Variants in SLK observed in about 807,000 individuals in gnomAD.
SLK encodes the protein STE20-like serine/threonine-protein kinase.
Under a neutral mutation model 147.7 loss-of-function variants are expected in SLK, and 67 were observed. The ratio of observed to expected loss-of-function variants is 0.45; its 90% CI spans 0.37 to 0.56. SLK has a LOEUF of 0.56. SLK is among the 20% of genes least tolerant of loss of function. The pLI is 0.00. For missense variants in SLK, 1,136 were observed against 1,438.8 expected (o/e 0.79, Z 3.41); for synonymous variants, 441 against 475.0 (o/e 0.93, Z 0.93).
chr10:103,988,791 G>GT (rs555179873), intron 1 of SLK, among the ~76,000 whole-genome samples: 265 of 146,246 alleles, frequency 1.8e-3, no homozygotes, highest in African/African-American at 3.5e-3. Context: ...TTTATATGTG[G>GT]TTTTTTTTTT....
rs776804962 is a variant in SLK, at chr10:104,018,911, T to C, written c.3132+3T>C. 118 of 1,559,544 alleles carry C rather than the reference T, an allele frequency of 7.6e-5. No individual in the cohort carries two copies. In the Admixed American group the frequency reaches 2.6e-3, roughly 34 times the overall value. ...AGCTACTTAAGCGCCACGAGAAGGTTAATGAAAGGAAAATTTCTTCATTTT... is the reference window on the plus strand; with the variant it reads ...AGCTACTTAAGCGCCACGAGAAGGTCAATGAAAGGAAAATTTCTTCATTTT... On this transcript the variant is annotated splice_donor_region_variant and intron_variant, in intron 15 of 18. Transcript: ENST00000369755.
At position 103,967,160 on chromosome 10, in the gene SLK, C is replaced by T. The variant is rs1434121645; in HGVS notation, c.-586C>T. ...GCTACGGAGTCGGCGTCGGCGCGCG[C>T]TCCAGGCCGAGGCTGTGTGGGCTGG... On this transcript the variant is annotated 5_prime_UTR_variant, in exon 1 of 19. Coordinates refer to ENST00000369755, the MANE Select transcript of SLK (RefSeq NM_014720.4). The T allele has an allele frequency of 6.6e-6, 1 of 151,224 alleles. No homozygotes were observed. The highest frequency in any genetic ancestry group is 1.5e-5 in the Non-Finnish European group (1 of 67,800). 9.4% of individuals were successfully genotyped at this position (151,224 alleles called of 1,614,324 possible).
chr10:103,973,352 G>A (rs1377244544), intron 1 of SLK, among the ~76,000 whole-genome samples: 2 of 152,066 alleles, frequency 1.3e-5, no homozygotes, highest in Non-Finnish European at 2.9e-5. Flanking sequence ...TGCATTCTCC[G>A]TTCTCTTCAT....
At chr10:104,009,085 C>CT (rs34101695) in intron 12 of SLK, among the ~76,000 whole-genome samples, 32,474 of 151,908 alleles carry the variant, frequency 0.21, 3,849 homozygotes, top group African/African-American at 0.32. Context: ...GGAAGATTTA[C>CT]TTATTATATT....
chr10:104,019,962 A>G (rs563038159), intron 16 of SLK, 40 bp downstream of exon 16: 1 of 1,485,192 alleles, frequency 6.7e-7, no homozygotes. Context: ...TAGGTTTAAA[A>G]TTTTTGAATG....
At chr10:103,973,722 T>C (rs1352038036) in intron 1 of SLK, among the ~76,000 whole-genome samples, 1 of 152,232 alleles carries the variant, frequency 6.6e-6, no homozygotes, top group African/African-American at 2.4e-5. Context: ...TACTTTGTTT[T>C]TCCTGTTAGA....
chr10:104,012,002 C>T (rs888809665), intron 13 of SLK, among the ~76,000 whole-genome samples: 4 of 152,160 alleles, frequency 2.6e-5, no homozygotes, highest in Non-Finnish European at 4.4e-5. Context: ...GATAAATGAG[C>T]TCAATTTTCC....
At chr10:103,968,637 G>C (rs1843751720) in intron 1 of SLK, among the ~76,000 whole-genome samples, 1 of 152,190 alleles carries the variant, frequency 6.6e-6, no homozygotes, top group South Asian at 2.1e-4. Context: ...TGATGTCATT[G>C]GAGTATTTTC....
intron 9 of SLK, 118 bp downstream of exon 9, chr10:104,003,645 T>G (rs1215638170): frequency 1.2e-6 from 1 of 859,752 alleles, no homozygotes; most frequent in Non-Finnish European, 1.7e-6. Flanking sequence ...ATTAACAATA[T>G]AAATTCTTAC....
chr10:104,029,207 T>A lies in SLK; in HGVS notation c.*3487T>A, dbSNP rs1844635864. The A allele has an allele frequency of 6.6e-6, 1 of 152,216 alleles. No homozygotes were observed. The highest frequency in any genetic ancestry group is 1.5e-5 in the Non-Finnish European group (1 of 68,026). 9.4% of individuals were successfully genotyped at this position (152,216 alleles called of 1,614,324 possible). A position where few individuals can be genotyped will look rare whatever the true frequency, so the allele number is the denominator to read the frequency against. On this transcript the variant is annotated 3_prime_UTR_variant, in exon 19 of 19. Coordinates refer to ENST00000369755, the MANE Select transcript of SLK (RefSeq NM_014720.4). ...TCTTTTCAATCATGGGATTGACACA[T>A]GAAAAATAAAGTTATTTCTTAATCA...
intron 1 of SLK, among the ~76,000 whole-genome samples, chr10:103,977,616 A>G (rs1185308338): frequency 1.3e-5 from 2 of 152,220 alleles, no homozygotes; most frequent in Non-Finnish European, 2.9e-5. Context: ...GTCTCAAACA[A>G]CAACAGCAAA....
chr10:104,019,308 C>G (rs1844504452), intron 15 of SLK, among the ~76,000 whole-genome samples: 1 of 152,134 alleles, frequency 6.6e-6, no homozygotes. Context: ...GAGTCTCGCT[C>G]TGTCACCTGG....
At chr10:104,019,194 G>C (rs1844502660) in intron 15 of SLK, 1 of 266,176 alleles carries the variant, frequency 3.8e-6, no homozygotes, top group African/African-American at 2.3e-5. Flanking sequence ...GGCTCTATTT[G>C]TGGTTCAAGT....
intron 18 of SLK, among the ~76,000 whole-genome samples, chr10:104,022,302 A>T (rs1354540857): frequency 1.3e-5 from 2 of 152,178 alleles, no homozygotes; most frequent in East Asian, 3.9e-4. Context: ...AGGCCCTGTT[A>T]TTCTACGTAA....
intron 1 of SLK, among the ~76,000 whole-genome samples, chr10:103,969,786 T>A (rs1255077217): frequency 6.6e-6 from 1 of 152,230 alleles, no homozygotes; most frequent in African/African-American, 2.4e-5. Flanking sequence ...TTAACTTCTC[T>A]GGACCTCCGT....
intron 1 of SLK, among the ~76,000 whole-genome samples, chr10:103,978,620 A>G (rs557691781): frequency 6.6e-6 from 1 of 152,298 alleles, no homozygotes; most frequent in African/African-American, 2.4e-5. Context: ...TCATCTCAAG[A>G]TAATGGGAAG....
Position 104,010,797 on chromosome 10 carries a change from G to A in SLK, c.2785-19G>A. 2 of 1,459,410 alleles carry A rather than the reference G, an allele frequency of 1.4e-6. No homozygotes were observed. The highest frequency in any genetic ancestry group is 2.8e-5 in the South Asian group (2 of 72,702). 90.4% of individuals were successfully genotyped at this position (1,459,410 alleles called of 1,614,324 possible). On this transcript the variant is annotated intron_variant, in intron 12 of 18. Transcript: ENST00000369755. The stretch of plus-strand genomic sequence containing the variant: ...AGAAAGTATCATTTCCCCACCTCCT[G>A]CATGCTTATACACTGTAGGTTATAA...
At chr10:103,981,159 A>G (rs552845065) in intron 1 of SLK, among the ~76,000 whole-genome samples, 10 of 151,192 alleles carry the variant, frequency 6.6e-5, no homozygotes, top group South Asian at 4.2e-4. Flanking sequence ...TCCTTTGCCT[A>G]TTTTTGAATT....
chr10:103,967,603 A>C lies in SLK; in HGVS notation c.-143A>C. The C allele has an allele frequency of 2.8e-6, 1 of 362,068 alleles. No individual in the cohort carries two copies. Among genetic ancestry groups the C allele is most frequent in the East Asian group, 1.0e-4 (1 of 9,920 alleles). The allele number at this position is 362,068 out of a possible 1,614,324, so 22.4% of individuals were successfully genotyped here. A position where few individuals can be genotyped will look rare whatever the true frequency, so the allele number is the denominator to read the frequency against. Reference sequence around the variant, plus strand: ...GGTCGCCGCCCCGCCTTCTCCCGGGACCGCCCGGCCGGAGCTGCGGGGGCC... The same window carrying C: ...GGTCGCCGCCCCGCCTTCTCCCGGGCCCGCCCGGCCGGAGCTGCGGGGGCC... On this transcript the variant is annotated 5_prime_UTR_variant, in exon 1 of 19. Coordinates refer to ENST00000369755, the MANE Select transcript of SLK (RefSeq NM_014720.4).
Sources: gnomAD v4.1 joint callset for allele counts (sites outside exome capture counted in the v4.1 genomes callset) on GRCh38, gnomAD v4.1.1 for gene constraint, MANE v1.5 for transcripts, NCBI Gene and HGNC (gene_info 2026-07-23, HGNC 2026-07-21) for gene names.